HTR4: variants seen among roughly 807,000 people sequenced by gnomAD.
The protein encoded by HTR4 is 5-hydroxytryptamine receptor 4.
A neutral mutation model predicts 36.8 loss-of-function variants in HTR4; 16 were observed. The ratio of observed to expected loss-of-function variants is 0.43; its 90% CI spans 0.29 to 0.66. The LOEUF is 0.66. HTR4 is among the 30% of genes least tolerant of loss of function. The pLI is 0.13. For missense variants in HTR4, 438 were observed against 490.9 expected (o/e 0.89, Z 1.02); for synonymous variants, 189 against 185.1 (o/e 1.02, Z -0.17).
chr5:148,608,086 TC>T (rs1752256378), intron 2 of HTR4, among the ~76,000 whole-genome samples: 1 of 152,038 alleles, frequency 6.6e-6, no homozygotes, highest in South Asian at 2.1e-4. Context: ...CCCAAATCTA[TC>T]CAAAAATACA....
chr5:148,625,729 C>T lies in HTR4; in HGVS notation c.26+11260G>A, dbSNP rs192184481. 1.2e-3 allele frequency among the ~76,000 whole-genome samples: 176 copies of T among 152,076 alleles called. 1 individual carries two copies. Among genetic ancestry groups the T allele is most frequent in the Non-Finnish European group, 1.6e-3 (109 of 67,982 alleles). Reference sequence around the variant, plus strand: ...CTGAGTAGCTGGGACCACAGGTGCACGCCATAACACCCAGCTAATTTTTGT... The same window carrying T: ...CTGAGTAGCTGGGACCACAGGTGCATGCCATAACACCCAGCTAATTTTTGT... On this transcript the variant is annotated intron_variant, in intron 2 of 6. Transcript: ENST00000377888.
intron 2 of HTR4, among the ~76,000 whole-genome samples, chr5:148,571,306 C>A (rs550358965): frequency 6.6e-6 from 1 of 152,142 alleles, no homozygotes; most frequent in East Asian, 1.9e-4. Flanking sequence ...AACATGTCTG[C>A]GTTAGACTTT....
rs1175588280 is a variant in HTR4 at position 148,644,422 on chromosome 5, G to GTTTTTTTTTTTTTTTTTTT, written c.-47-7380_-47-7362dup. On this transcript the variant is annotated intron_variant, in intron 1 of 6. Transcript: ENST00000377888. ...AGATGAATAGGTCTCAAGCTCACAA[G>GTTTTTTTTTTTTTTTTTTT]TTTTTTTTTTTTTTTTTTTTTTTTT... 2.2e-4 allele frequency among the ~76,000 whole-genome samples: 9 copies of GTTTTTTTTTTTTTTTTTTT among 40,618 alleles called. 2 individuals are homozygous for GTTTTTTTTTTTTTTTTTTT. The highest frequency in any genetic ancestry group is 8.5e-4 in the African/African-American group (8 of 9,420). The allele number at this position is 40,618 out of a possible 152,430, so 26.6% of individuals were successfully genotyped here.
intron 5 of HTR4, among the ~76,000 whole-genome samples, chr5:148,517,651 T>C (rs1757819890): frequency 6.6e-6 from 1 of 151,210 alleles, no homozygotes; most frequent in South Asian, 2.1e-4. Context: ...AAAAAAAAAA[T>C]CCTGTTGGTT....
At chr5:148,643,237 A>G (rs1753781135) in intron 1 of HTR4, among the ~76,000 whole-genome samples, 1 of 152,192 alleles carries the variant, frequency 6.6e-6, no homozygotes. Flanking sequence ...ACAGCTGGTA[A>G]GTTTAGCATC....
downstream of HTR4, among the ~76,000 whole-genome samples, chr5:148,478,699 G>A (rs78425975): frequency 0.063 from 9,527 of 151,922 alleles, 387 homozygotes; most frequent in East Asian, 0.15. Context: ...CCTATTCCCC[G>A]TCCTGCTTGA....
intron 2 of HTR4, among the ~76,000 whole-genome samples, chr5:148,596,001 C>T (rs1021992750): frequency 6.6e-6 from 1 of 152,208 alleles, no homozygotes; most frequent in African/African-American, 2.4e-5. Context: ...CACGGACTTC[C>T]GATCAAAGAC....
At chr5:148,628,454 T>G (rs1489320451) in intron 2 of HTR4, 1 of 152,262 alleles carries the variant, frequency 6.6e-6, no homozygotes, top group African/African-American at 2.4e-5. Context: ...CAACAGTGAT[T>G]TGATATTTTC....
intron 2 of HTR4, among the ~76,000 whole-genome samples, chr5:148,584,924 T>C (rs1024642256): frequency 5.3e-5 from 8 of 152,182 alleles, no homozygotes; most frequent in South Asian, 2.1e-4. Flanking sequence ...GTACGGGTCA[T>C]TGATATCACT....
Position 148,509,768 on chromosome 5 carries a change from G to A in HTR4, c.764C>T (p.Thr255Ile), listed in dbSNP as rs202144509. Residue 255 changes from threonine to isoleucine, a missense_variant, in exon 6 of 7, where the codon ACC becomes ATC. Transcript: ENST00000377888. The part of the protein sequence containing the change: ...QHSTHRMRTE[T>I]KAAKTLCIIM... ...GATGCACAGGGTCTTGGCTGCTTTG[G>A]TCTCTGTCCTCATGCGATGAGTGCT... The A allele has an allele frequency of 1.2e-6, 2 of 1,614,080 alleles. No homozygotes were observed. Among genetic ancestry groups the A allele is most frequent in the African/African-American group, 1.3e-5 (1 of 75,044 alleles).
At chr5:148,592,515 T>G (rs1471059997) in intron 2 of HTR4, among the ~76,000 whole-genome samples, 4 of 152,192 alleles carry the variant, frequency 2.6e-5, no homozygotes, top group Non-Finnish European at 1.5e-5. Context: ...AATTTGCTGT[T>G]GCTCTGCAAA....
chr5:148,611,322 G>C (rs1177894248), intron 2 of HTR4, among the ~76,000 whole-genome samples: 1 of 152,060 alleles, frequency 6.6e-6, no homozygotes, highest in Admixed American at 6.6e-5. Flanking sequence ...GACTAACAGC[G>C]GATCTGTCGG....
chr5:148,545,217 A>G (rs1759328810), intron 4 of HTR4, among the ~76,000 whole-genome samples: 1 of 152,222 alleles, frequency 6.6e-6, no homozygotes, highest in Admixed American at 6.5e-5. Flanking sequence ...AAAATAAAAC[A>G]AAAGAAACCC....
At chr5:148,625,985 A>G (rs1753089272) in intron 2 of HTR4, among the ~76,000 whole-genome samples, 1 of 151,306 alleles carries the variant, frequency 6.6e-6, no homozygotes, top group South Asian at 2.1e-4. Context: ...CTCATAGCCT[A>G]TTCCCCTCTT....
At chr5:148,460,363 A>G (rs1394645018) in intron 5 of HTR4, among the ~76,000 whole-genome samples, 5 of 152,172 alleles carry the variant, frequency 3.3e-5, no homozygotes, top group Non-Finnish European at 7.4e-5. Flanking sequence ...CCAACTAAAG[A>G]AAATCAAAGA....
At chr5:148,466,023 T>G in intron 5 of HTR4, 1 of 1,553,428 alleles carries the variant, frequency 6.4e-7, no homozygotes, top group South Asian at 1.3e-5. Flanking sequence ...AGTAGACACA[T>G]GATCTCAGCC....
intron 4 of HTR4, among the ~76,000 whole-genome samples, chr5:148,536,150 A>T (rs1758814450): frequency 6.6e-6 from 1 of 152,152 alleles, no homozygotes; most frequent in Non-Finnish European, 1.5e-5. Flanking sequence ...TTCCTAAGTG[A>T]AGGAGAAATA....
At chr5:148,522,930 A>G (rs535624702) in intron 5 of HTR4, among the ~76,000 whole-genome samples, 1 of 152,262 alleles carries the variant, frequency 6.6e-6, no homozygotes, top group South Asian at 2.1e-4. Flanking sequence ...TTCTTGCTAA[A>G]ATTGGGTGAT....
intron 2 of HTR4, chr5:148,628,667 A>C (rs1315175432): frequency 6.6e-6 from 1 of 152,178 alleles, no homozygotes; most frequent in Non-Finnish European, 1.5e-5. Context: ...AAAATCACTT[A>C]ATCCTCTGAA....
Sources: gnomAD v4.1 joint callset for allele counts (sites outside exome capture counted in the v4.1 genomes callset) on GRCh38, gnomAD v4.1.1 for gene constraint, MANE v1.5 for transcripts, NCBI Gene and HGNC (gene_info 2026-07-23, HGNC 2026-07-21) for gene names.